Variants in ERC2 observed in about 807,000 individuals in gnomAD.
ERC2 encodes ERC protein 2.
In ERC2, 42 loss-of-function variants were observed where a neutral mutation model predicts 114.8. The observed-to-expected ratio is 0.37, with a 90% CI of 0.29 to 0.47. The LOEUF (loss-of-function observed/expected upper bound fraction) is 0.47. Ranked by LOEUF, ERC2 falls within the 20% of genes least tolerant of loss-of-function variation. The pLI, the probability that ERC2 is intolerant of heterozygous loss-of-function variation, is 0.99. For synonymous variants in ERC2, 454 were observed against 425.5 expected (o/e 1.07, Z -0.82); for missense variants, 939 against 1,150.7 (o/e 0.82, Z 2.66).
intron 14 of ERC2, among the ~76,000 whole-genome samples, chr3:55,822,891 G>T (rs908151032): frequency 6.6e-6 from 1 of 152,102 alleles, no homozygotes; most frequent in Non-Finnish European, 1.5e-5. Flanking sequence ...GTGATTACAG[G>T]CGTGAGCCGC....
intron 14 of ERC2, among the ~76,000 whole-genome samples, chr3:55,778,418 C>T (rs1413458890): frequency 6.6e-6 from 1 of 152,188 alleles, no homozygotes; most frequent in Non-Finnish European, 1.5e-5. Flanking sequence ...ATGTATTTCA[C>T]TAGACATAAT....
intron 17 of ERC2, among the ~76,000 whole-genome samples, chr3:55,664,013 G>A (rs2061252011): frequency 6.6e-6 from 1 of 152,166 alleles, no homozygotes; most frequent in African/African-American, 2.4e-5. Flanking sequence ...ACTTTCATCA[G>A]GTTTTTATGT....
At chr3:56,465,218 G>A (rs1343637986) in intron 1 of ERC2, among the ~76,000 whole-genome samples, 1 of 152,124 alleles carries the variant, frequency 6.6e-6, no homozygotes, top group African/African-American at 2.4e-5. Flanking sequence ...GGCCAACATG[G>A]TGAAACCCAG....
intron 17 of ERC2, among the ~76,000 whole-genome samples, chr3:55,592,455 C>T (rs907606656): frequency 2.0e-5 from 3 of 152,088 alleles, no homozygotes; most frequent in Non-Finnish European, 4.4e-5. Context: ...GGCTGACAAT[C>T]GATTTCTCCA....
intron 9 of ERC2, among the ~76,000 whole-genome samples, chr3:56,007,722 A>G (rs2072611950): frequency 6.6e-6 from 1 of 152,160 alleles, no homozygotes; most frequent in Non-Finnish European, 1.5e-5. Context: ...ACTTTAATGC[A>G]TCCGCTCCCA....
At chr3:55,526,186 G>C (rs896584242) in intron 17 of ERC2, among the ~76,000 whole-genome samples, 2 of 152,150 alleles carry the variant, frequency 1.3e-5, no homozygotes, top group African/African-American at 4.8e-5. Flanking sequence ...AAGAGGCAAG[G>C]AAGGGTCTCC....
At chr3:56,265,191 T>A (rs969259481) in intron 3 of ERC2, among the ~76,000 whole-genome samples, 1 of 152,176 alleles carries the variant, frequency 6.6e-6, no homozygotes, top group African/African-American at 2.4e-5. Context: ...TCACACTCCC[T>A]GACTTCAAAT....
intron 11 of ERC2, among the ~76,000 whole-genome samples, chr3:55,989,186 G>A (rs1038249445): frequency 5.9e-5 from 9 of 152,218 alleles, no homozygotes; most frequent in Non-Finnish European, 7.3e-5. Flanking sequence ...GCTTTAAGGG[G>A]AGGCAAAGGC....
At chr3:55,824,356 C>G (rs771053190) in intron 14 of ERC2, among the ~76,000 whole-genome samples, 3 of 152,166 alleles carry the variant, frequency 2.0e-5, no homozygotes, top group Non-Finnish European at 2.9e-5. Context: ...ATCCAGGCCC[C>G]CATAACACCC....
At chr3:55,930,304 A>G (rs2065999832) in intron 13 of ERC2, among the ~76,000 whole-genome samples, 1 of 152,220 alleles carries the variant, frequency 6.6e-6, no homozygotes, top group Non-Finnish European at 1.5e-5. Flanking sequence ...ACAGCAATGC[A>G]AGAACAGACT....
At chr3:56,286,008 G>A (rs973911072) in intron 3 of ERC2, among the ~76,000 whole-genome samples, 1 of 152,138 alleles carries the variant, frequency 6.6e-6, no homozygotes, top group Non-Finnish European at 1.5e-5. Flanking sequence ...ATCTGCCGGG[G>A]TTCCTTCCCA....
At chr3:56,075,801 C>T (rs2149742783) in intron 7 of ERC2, among the ~76,000 whole-genome samples, 1 of 152,278 alleles carries the variant, frequency 6.6e-6, no homozygotes, top group South Asian at 2.1e-4. Context: ...AAAAGCTCAA[C>T]TAGATGTTTA....
At chr3:56,311,257 A>C (rs12633439) in intron 2 of ERC2, among the ~76,000 whole-genome samples, 10,959 of 34,318 alleles carry the variant, frequency 0.32, 479 homozygotes, top group East Asian at 0.45. Flanking sequence ...CTCTCTCTCT[A>C]TATATATATA....
intron 14 of ERC2, among the ~76,000 whole-genome samples, chr3:55,839,697 T>C (rs986108132): frequency 3.3e-5 from 5 of 152,008 alleles, no homozygotes; most frequent in Admixed American, 2.6e-4. Flanking sequence ...CAAAGAGCTA[T>C]GGTGAATAAA....
At chr3:56,315,857 A>G (rs2056838409) in intron 2 of ERC2, among the ~76,000 whole-genome samples, 1 of 152,056 alleles carries the variant, frequency 6.6e-6, no homozygotes, top group African/African-American at 2.4e-5. Flanking sequence ...TAGTTTCCCA[A>G]CAGGAAAGTA....
At chr3:56,366,033 C>A (rs946941417) in intron 2 of ERC2, among the ~76,000 whole-genome samples, 1 of 152,190 alleles carries the variant, frequency 6.6e-6, no homozygotes, top group African/African-American at 2.4e-5. Context: ...CAGGCCACAA[C>A]CTCTGCAGCA....
chr3:56,134,027 A>G (rs1340930522), intron 6 of ERC2, among the ~76,000 whole-genome samples: 3 of 152,224 alleles, frequency 2.0e-5, no homozygotes, highest in Admixed American at 2.0e-4. Context: ...TCTTTTCTCA[A>G]GAAGGAGAAC....
At chr3:55,856,185 G>C (rs1272223193) in intron 14 of ERC2, among the ~76,000 whole-genome samples, 1 of 152,200 alleles carries the variant, frequency 6.6e-6, no homozygotes, top group Non-Finnish European at 1.5e-5. Context: ...AGTCACCCCA[G>C]TTTTGTGTCT....
In ERC2 at chr3:56,063,915, C is replaced by A. The variant is rs916618112; in HGVS notation, c.1641+16902G>T. Among the ~76,000 whole-genome samples the A allele has an allele frequency of 3.9e-5, 6 of 152,254 alleles. No individual in the cohort carries two copies. The South Asian group carries it at 1.2e-3, about 32-fold the overall frequency. On this transcript the variant is annotated intron_variant, in intron 7 of 17. Coordinates refer to ENST00000288221, the MANE Select transcript of ERC2 (RefSeq NM_015576.3). ...ATCTTTCTATATCATTAAATATACT[C>A]ATAAATATACTCATCTATAACATCA...
Sources: allele counts gnomAD v4.1 joint callset (sites outside exome capture counted in the v4.1 genomes callset), GRCh38; gene constraint gnomAD v4.1.1; transcripts MANE v1.5; gene names NCBI Gene and HGNC (gene_info 2026-07-23, HGNC 2026-07-21).